The following OR8D1 variants were observed in gnomAD, a reference collection of about 807,000 sequenced individuals.
OR8D1 encodes olfactory receptor 8D1.
For synonymous variants in OR8D1, 143 were observed against 147.0 expected (o/e 0.97, Z 0.20); for missense variants, 384 against 366.8 (o/e 1.05, Z -0.38).
Position 124,309,891 on chromosome 11 carries a change from C to T in OR8D1, c.876G>A (p.Leu292=). 1 of 1,503,286 alleles carries T rather than the reference C, an allele frequency of 6.7e-7. No homozygotes were observed. Among genetic ancestry groups the T allele is most frequent in the South Asian group, 1.4e-5 (1 of 70,336 alleles). The allele number at this position is 1,503,286 out of a possible 1,614,324, so 93.1% of individuals were successfully genotyped here. Residue 292 remains leucine, a synonymous_variant, in exon 3 of 3, where the codon CTG becomes CTA. Coordinates refer to ENST00000641015, the MANE Select transcript of OR8D1 (RefSeq NM_001002917.2). ...ATGCTTTCTTCACATCCTTATTCCT[C>T]AGACTGTATATTAAAGGGTTCAGCA... is the stretch of plus-strand genomic sequence containing the variant. ...IPMLNPLIYS[L]RNKDVKKALR...
Position 124,310,327 on chromosome 11 carries a change from G to A in OR8D1, c.440C>T (p.Ala147Val), listed in dbSNP as rs1862408745. ...AGAGAGAAAGCCCAAGAAGAAGGCAGCCAGCACTAGCAGTGAGCAGACCCA... is the reference window on the plus strand; with the variant it reads ...AGAGAGAAAGCCCAAGAAGAAGGCAACCAGCACTAGCAGTGAGCAGACCCA... ...SSWVCSLLVLAAFFLGFLSAL... is the reference protein window; with the variant it reads ...SSWVCSLLVLVAFFLGFLSAL... Residue 147 changes from alanine to valine, a missense_variant, in exon 3 of 3, where the codon GCT becomes GTT. Physicochemically the swap from Ala to Val is moderately conservative, Grantham distance 64. Coordinates refer to ENST00000641015, the MANE Select transcript of OR8D1 (RefSeq NM_001002917.2). The A allele has an allele frequency of 6.2e-7, 1 of 1,613,712 alleles. No individual in the cohort carries two copies. Among genetic ancestry groups the A allele is most frequent in the Non-Finnish European group, 8.5e-7 (1 of 1,179,902 alleles).
Position 124,303,020 on chromosome 11 carries a change from T to C in OR8D1, c.*6820A>G, listed in dbSNP as rs951302440. Reference sequence around the variant, plus strand: ...TAAGGAGACCAAAACTACAGACAGTTCAGAAATGAGTCTGTATTAATCCGT... The same window carrying C: ...TAAGGAGACCAAAACTACAGACAGTCCAGAAATGAGTCTGTATTAATCCGT... On this transcript the variant is annotated 3_prime_UTR_variant, in exon 3 of 3. Transcript: ENST00000641015. 3 of 152,040 alleles carry C rather than the reference T, an allele frequency of 2.0e-5. No individual in the cohort carries two copies. The highest frequency in any genetic ancestry group is 7.2e-5 in the African/African-American group (3 of 41,426). The allele number at this position is 152,040 out of a possible 1,614,324, so 9.4% of individuals were successfully genotyped here.
rs1862427932 is a variant in OR8D1, at chr11:124,312,209, C to T, written c.-121-533G>A. On this transcript the variant is annotated intron_variant, in intron 1 of 2. Coordinates refer to ENST00000641015, the MANE Select transcript of OR8D1 (RefSeq NM_001002917.2). Reference sequence around the variant, plus strand: ...AACATCAGGAGATGAAAATACACTACCTTTGTATGAAGAAAAGACAGACAC... The same window carrying T: ...AACATCAGGAGATGAAAATACACTATCTTTGTATGAAGAAAAGACAGACAC... Among the ~76,000 whole-genome samples, 3 of 152,110 alleles carry T rather than the reference C, an allele frequency of 2.0e-5. No individual in the cohort carries two copies. The South Asian group carries it at 6.2e-4, about 32-fold the overall frequency.
chr11:124,312,362 T>C (rs1398014283), intron 1 of OR8D1, among the ~76,000 whole-genome samples: 2 of 152,072 alleles, frequency 1.3e-5, no homozygotes, highest in Admixed American at 6.6e-5. Flanking sequence ...TTTAAAGTGT[T>C]TGGCCTTTTT....
At position 124,310,616 on chromosome 11, in the gene OR8D1, C is replaced by G. The variant is rs780302045; in HGVS notation, c.151G>C (p.Val51Leu). 8.7e-6 allele frequency: 14 copies of G among 1,613,848 alleles called. No individual in the cohort carries two copies. The highest frequency in any genetic ancestry group is 1.2e-5 in the Non-Finnish European group (14 of 1,179,932). ...ATGGGGGTGTGAAGTAGAGGGCTGA[C>G]TGCAATCAGGAGAATCATGCCCAGG... ...GNLGMILLIA[V>L]SPLLHTPMYY... The change falls in exon 3 of 3, where the codon GTC (valine) becomes CTC (leucine). Residue 51 changes from valine to leucine, a missense_variant. Physicochemically the swap from Val to Leu is conservative, Grantham distance 32. Transcript: ENST00000641015.
At position 124,305,735 on chromosome 11, in the gene OR8D1, A is replaced by C. The variant is rs1217323744; in HGVS notation, c.*4105T>G. On this transcript the variant is annotated 3_prime_UTR_variant, in exon 3 of 3. Coordinates refer to ENST00000641015, the MANE Select transcript of OR8D1 (RefSeq NM_001002917.2). ...TCTTAAAAACTGATTGGAGTAGAAG[A>C]TAAAGCCCTTTGAATCCCCTGTATT... The C allele has an allele frequency of 2.0e-5, 3 of 151,902 alleles. No individual in the cohort carries two copies. Among genetic ancestry groups the C allele is most frequent in the Non-Finnish European group, 2.9e-5 (2 of 67,876 alleles). 9.4% of individuals were successfully genotyped at this position (151,902 alleles called of 1,614,324 possible).
Position 124,307,051 on chromosome 11 carries a change from G to A in OR8D1, c.*2789C>T, listed in dbSNP as rs2137789192. 6.6e-6 allele frequency: 1 copy of A among 152,116 alleles called. No homozygotes were observed. Among genetic ancestry groups the A allele is most frequent in the Middle Eastern group, 3.4e-3 (1 of 294 alleles). The allele number at this position is 152,116 out of a possible 1,614,324, so 9.4% of individuals were successfully genotyped here. ...CCTACAGGGATCCAGCATTTTCTAT[G>A]GTTCAAGTGGCAATTTTGTCTAATG... On this transcript the variant is annotated 3_prime_UTR_variant, in exon 3 of 3. Transcript: ENST00000641015.
In OR8D1 at chr11:124,309,618, A is replaced by T. The variant is rs1348076229; in HGVS notation, c.*222T>A. On this transcript the variant is annotated 3_prime_UTR_variant, in exon 3 of 3. Coordinates refer to ENST00000641015, the MANE Select transcript of OR8D1 (RefSeq NM_001002917.2). ...ACAATTGGTAAAAGAAATTAAAACT[A>T]CCTAGACCTTAGTTTTCCTATCAAA... 3.4e-6 allele frequency: 1 copy of T among 292,656 alleles called. No individual in the cohort carries two copies. Among genetic ancestry groups the T allele is most frequent in the Non-Finnish European group, 6.3e-6 (1 of 159,384 alleles). 18.1% of individuals were successfully genotyped at this position (292,656 alleles called of 1,614,324 possible).
intron 1 of OR8D1, 121 bp downstream of exon 1, chr11:124,313,600 A>G (rs2428298): frequency 0.24 from 36,934 of 152,106 alleles, 5,698 homozygotes; most frequent in African/African-American, 0.44. Context: ...AGGAGAGAAC[A>G]GTGGGGCAGG....
intron 1 of OR8D1, among the ~76,000 whole-genome samples, chr11:124,313,244 GGGAGGGAAGGAA>G (rs999479566): frequency 2.5e-4 from 35 of 142,412 alleles, no homozygotes; most frequent in Admixed American, 5.9e-4. Flanking sequence ...GAAGGAGGGA[GGGAGGGAAGGAA>G]GGAGGGAAGG....
chr11:124,312,721 T>A (rs1299446634), intron 1 of OR8D1, among the ~76,000 whole-genome samples: 1 of 151,684 alleles, frequency 6.6e-6, no homozygotes, highest in African/African-American at 2.4e-5. Context: ...TTTCACCATG[T>A]TGGCCAGGCT....
rs898753453 is a variant in OR8D1 at position 124,306,434 on chromosome 11, T to G, written c.*3406A>C. 2 of 149,680 alleles carry G rather than the reference T, an allele frequency of 1.3e-5. No individual in the cohort carries two copies. The highest frequency in any genetic ancestry group is 1.3e-4 in the Admixed American group (2 of 14,910). 9.3% of individuals were successfully genotyped at this position (149,680 alleles called of 1,614,324 possible). ...TTCATATAATATTCACAGTGAAACTTCTGCATACTTTTCTATGGGATATTA... is the reference window on the plus strand; with the variant it reads ...TTCATATAATATTCACAGTGAAACTGCTGCATACTTTTCTATGGGATATTA... On this transcript the variant is annotated 3_prime_UTR_variant, in exon 3 of 3. Transcript: ENST00000641015.
At chr11:124,312,403 A>T (rs944796698) in intron 1 of OR8D1, among the ~76,000 whole-genome samples, 3 of 152,056 alleles carry the variant, frequency 2.0e-5, no homozygotes, top group Non-Finnish European at 4.4e-5. Flanking sequence ...AAGTGTTTTC[A>T]TCTCCAAGGG....
At position 124,307,651 on chromosome 11, in the gene OR8D1, A is replaced by G. The variant is rs1034375409; in HGVS notation, c.*2189T>C. ...AAATATTGGTGCAGCTTAAAATTGA[A>G]CACAAAGGGGAAGCTTTTTTCAAGA... On this transcript the variant is annotated 3_prime_UTR_variant, in exon 3 of 3. Coordinates refer to ENST00000641015, the MANE Select transcript of OR8D1 (RefSeq NM_001002917.2). 3 of 152,144 alleles carry G rather than the reference A, an allele frequency of 2.0e-5. No homozygotes were observed. Among genetic ancestry groups the G allele is most frequent in the Non-Finnish European group, 4.4e-5 (3 of 68,034 alleles). 9.4% of individuals were successfully genotyped at this position (152,144 alleles called of 1,614,324 possible).
intron 1 of OR8D1, among the ~76,000 whole-genome samples, chr11:124,313,359 AAAAG>A (rs140126039): frequency 5.7e-4 from 87 of 152,192 alleles, no homozygotes; most frequent in African/African-American, 1.5e-3. Context: ...GAAAAAGAAA[AAAAG>A]AAAGAAATTT....
chr11:124,307,805 C>T lies in OR8D1; in HGVS notation c.*2035G>A, dbSNP rs1440820368. 6.6e-6 allele frequency: 1 copy of T among 152,072 alleles called. No individual in the cohort carries two copies. The highest frequency in any genetic ancestry group is 2.4e-5 in the African/African-American group (1 of 41,432). 9.4% of individuals were successfully genotyped at this position (152,072 alleles called of 1,614,324 possible). A position where few individuals can be genotyped will look rare whatever the true frequency, so the allele number is the denominator to read the frequency against. ...GTCCACATGCTTGAGGGTTAACTCTCACCAAATGGTCTCAAGCTCTCCCTG... is the reference window on the plus strand; with the variant it reads ...GTCCACATGCTTGAGGGTTAACTCTTACCAAATGGTCTCAAGCTCTCCCTG... On this transcript the variant is annotated 3_prime_UTR_variant, in exon 3 of 3. Coordinates refer to ENST00000641015, the MANE Select transcript of OR8D1 (RefSeq NM_001002917.2).
Position 124,309,735 on chromosome 11 carries a change from A to T in OR8D1, c.*105T>A. On this transcript the variant is annotated 3_prime_UTR_variant, in exon 3 of 3. Transcript: ENST00000641015. ...AGATGGGAAAGTATTTTTAAAATCT[A>T]GATATTATGTATGTTACAACAGAAG... 1.8e-6 allele frequency: 1 copy of T among 558,438 alleles called. No homozygotes were observed. The highest frequency in any genetic ancestry group is 2.9e-6 in the Non-Finnish European group (1 of 347,084). The allele number at this position is 558,438 out of a possible 1,614,324, so 34.6% of individuals were successfully genotyped here.
rs1332162766 is a variant in OR8D1, at chr11:124,303,887, G to A, written c.*5953C>T. ...AGTGGTGCAAAATATGGGTTATGGG[G>A]CAAATCCAGCCCAGAGTTTAGTATT... On this transcript the variant is annotated 3_prime_UTR_variant, in exon 3 of 3. Coordinates refer to ENST00000641015, the MANE Select transcript of OR8D1 (RefSeq NM_001002917.2). 1 of 151,768 alleles carries A rather than the reference G, an allele frequency of 6.6e-6. No homozygotes were observed. The highest frequency in any genetic ancestry group is 2.4e-5 in the African/African-American group (1 of 41,338). 9.4% of individuals were successfully genotyped at this position (151,768 alleles called of 1,614,324 possible).
chr11:124,310,104 G>A lies in OR8D1; in HGVS notation c.663C>T (p.Ile221=). The A allele has an allele frequency of 6.2e-7, 1 of 1,613,724 alleles. No individual in the cohort carries two copies. Among genetic ancestry groups the A allele is most frequent in the Non-Finnish European group, 8.5e-7 (1 of 1,179,838 alleles). The part of the protein sequence containing the change: ...TLAVAVSYAF[I]LYSILHIRSS... ...AGCGGATGTGAAGGATGCTGTAGAG[G>A]ATGAAGGCATAGGAGACAGCAACAG... The change falls in exon 3 of 3, where the codon ATC becomes ATT. Residue 221 remains isoleucine, a synonymous_variant. Coordinates refer to ENST00000641015, the MANE Select transcript of OR8D1 (RefSeq NM_001002917.2).
Sources: gnomAD v4.1 joint callset for allele counts (sites outside exome capture counted in the v4.1 genomes callset) on GRCh38, gnomAD v4.1.1 for gene constraint, MANE v1.5 for transcripts, NCBI Gene and HGNC (gene_info 2026-07-23, HGNC 2026-07-21) for gene names.